The following BBOX1 variants were observed in gnomAD, a reference collection of about 807,000 sequenced individuals.
The protein encoded by BBOX1 is gamma-butyrobetaine hydroxylase 1.
A neutral mutation model predicts 41.6 loss-of-function variants in BBOX1; 35 were observed. That is an observed-to-expected ratio of 0.84 (90% CI 0.64 to 1.11). BBOX1 has a LOEUF of 1.11. BBOX1 is among the 50% of genes most tolerant of loss of function. The pLI, the probability that BBOX1 is intolerant of heterozygous loss-of-function variation, is 0.00. For missense variants in BBOX1, 458 were observed against 460.6 expected (o/e 0.99, Z 0.05); for synonymous variants, 163 against 154.7 (o/e 1.05, Z -0.40).
intron 4 of BBOX1, among the ~76,000 whole-genome samples, chr11:27,058,887 C>A (rs1384201137): frequency 4.7e-4 from 72 of 152,080 alleles, no homozygotes; most frequent in Non-Finnish European, 5.9e-5. Context: ...AATTTTGTAA[C>A]CTATTCATGT....
At chr11:27,108,182 C>G (rs1248358120) in intron 5 of BBOX1, among the ~76,000 whole-genome samples, 1 of 151,998 alleles carries the variant, frequency 6.6e-6, no homozygotes, top group African/African-American at 2.4e-5. Flanking sequence ...AGTCACAGAC[C>G]CCCATCCCTG....
chr11:27,074,699 C>G (rs75123637), intron 4 of BBOX1, among the ~76,000 whole-genome samples: 1 of 152,182 alleles, frequency 6.6e-6, no homozygotes, highest in Non-Finnish European at 1.5e-5. Flanking sequence ...AGTCTATACT[C>G]ATATGTGTGA....
intron 4 of BBOX1, among the ~76,000 whole-genome samples, chr11:27,086,266 G>T (rs917528310): frequency 2.0e-4 from 31 of 152,020 alleles, no homozygotes; most frequent in Admixed American, 2.0e-3. Context: ...AGCTAAAAAA[G>T]AGAGGTCAAT....
intron 2 of BBOX1, among the ~76,000 whole-genome samples, chr11:27,045,300 G>C (rs907317246): frequency 1.2e-4 from 18 of 152,296 alleles, no homozygotes; most frequent in Non-Finnish European, 2.2e-4. Flanking sequence ...CTTTGCTGAA[G>C]TTGCTTATCA....
intron 5 of BBOX1, among the ~76,000 whole-genome samples, chr11:27,106,451 T>A (rs1173682386): frequency 6.6e-6 from 1 of 152,074 alleles, no homozygotes; most frequent in South Asian, 2.1e-4. Flanking sequence ...TAGTCTCTGA[T>A]AAAACAGACT....
intron 2 of BBOX1, among the ~76,000 whole-genome samples, chr11:27,043,421 T>C (rs1851399466): frequency 6.6e-6 from 1 of 151,360 alleles, no homozygotes; most frequent in African/African-American, 2.4e-5. Flanking sequence ...ATGTGCACGT[T>C]TGGGGTACAT....
intron 5 of BBOX1, among the ~76,000 whole-genome samples, chr11:27,100,290 C>A (rs1322579535): frequency 6.6e-6 from 1 of 152,090 alleles, no homozygotes; most frequent in Admixed American, 6.6e-5. Flanking sequence ...AAAGAAAAAA[C>A]AAGTTTACCC....
chr11:27,125,616 C>A, intron 7 of BBOX1, 38 bp from the exon 8 acceptor site: 1 of 1,409,886 alleles, frequency 7.1e-7, no homozygotes, highest in East Asian at 2.5e-5. Context: ...ATAGATATTT[C>A]ATGAATTATA....
intron 5 of BBOX1, among the ~76,000 whole-genome samples, chr11:27,099,612 A>G (rs11029835): frequency 0.15 from 23,409 of 152,080 alleles, 2,130 homozygotes; most frequent in Middle Eastern, 0.24. Context: ...AGTGCCCCCC[A>G]GCATCTGTAC....
At chr11:27,109,073 CAG>C (rs981184722) in intron 5 of BBOX1, among the ~76,000 whole-genome samples, 12 of 152,022 alleles carry the variant, frequency 7.9e-5, no homozygotes, top group Admixed American at 1.3e-4. Context: ...GTTTACAGTC[CAG>C]AAGAGGAAGC....
At chr11:27,109,905 T>C (rs1349071389) in intron 5 of BBOX1, among the ~76,000 whole-genome samples, 1 of 152,050 alleles carries the variant, frequency 6.6e-6, no homozygotes, top group Non-Finnish European at 1.5e-5. Flanking sequence ...TGCTCATTTG[T>C]CCATATGTGA....
intron 5 of BBOX1, among the ~76,000 whole-genome samples, chr11:27,111,356 A>G (rs1467811290): frequency 6.6e-6 from 1 of 151,918 alleles, no homozygotes; most frequent in African/African-American, 2.4e-5. Flanking sequence ...GTGGGGAAGG[A>G]GGGAACGGGA....
intron 5 of BBOX1, among the ~76,000 whole-genome samples, chr11:27,100,738 G>A (rs1258525007): frequency 6.6e-6 from 1 of 152,088 alleles, no homozygotes; most frequent in Non-Finnish European, 1.5e-5. Flanking sequence ...GTCATCTCAT[G>A]AATGAAAGGA....
chr11:27,067,155 G>A (rs1487350294), intron 4 of BBOX1, among the ~76,000 whole-genome samples: 1 of 152,092 alleles, frequency 6.6e-6, no homozygotes, highest in Non-Finnish European at 1.5e-5. Flanking sequence ...CTTGAAAGTG[G>A]TTGTAAGTAA....
Position 27,041,225 on chromosome 11 carries a change from A to T in BBOX1, c.-292A>T, listed in dbSNP as rs1195825172. The T allele has an allele frequency of 1.3e-5, 2 of 150,970 alleles. No homozygotes were observed. Among genetic ancestry groups the T allele is most frequent in the Non-Finnish European group, 2.9e-5 (2 of 67,878 alleles). The allele number at this position is 150,970 out of a possible 1,614,324, so 9.4% of individuals were successfully genotyped here. On this transcript the variant is annotated 5_prime_UTR_variant, in exon 2 of 9. Transcript: ENST00000263182. ...TTTAAAAAAAACACAGCACAAAAAAACAAAGACAAAAAACCTCCAAGCTCC... is the reference window on the plus strand; with the variant it reads ...TTTAAAAAAAACACAGCACAAAAAATCAAAGACAAAAAACCTCCAAGCTCC...
At chr11:27,042,507 C>A (rs1181144819) in intron 2 of BBOX1, among the ~76,000 whole-genome samples, 1 of 152,114 alleles carries the variant, frequency 6.6e-6, no homozygotes, top group Non-Finnish European at 1.5e-5. Context: ...TATGCACCAC[C>A]ATGCCTGCCT....
At chr11:27,119,269 C>T (rs7926257) in intron 6 of BBOX1, among the ~76,000 whole-genome samples, 9,080 of 152,024 alleles carry the variant, frequency 0.06, 904 homozygotes, top group African/African-American at 0.21. Flanking sequence ...CTAACTTACC[C>T]GCCTCTTCCC....
intron 5 of BBOX1, among the ~76,000 whole-genome samples, chr11:27,105,920 G>C (rs1320144702): frequency 2.0e-5 from 3 of 152,172 alleles, no homozygotes; most frequent in African/African-American, 7.2e-5. Flanking sequence ...AGCCAGAAGA[G>C]AGTGGGGGCA....
chr11:27,098,069 A>G (rs1363799989), intron 5 of BBOX1, among the ~76,000 whole-genome samples: 1 of 151,848 alleles, frequency 6.6e-6, no homozygotes. Flanking sequence ...TGTTTGCTGC[A>G]TGTATCTCTC....
Sources: gnomAD v4.1 joint callset for allele counts (sites outside exome capture counted in the v4.1 genomes callset) on GRCh38, gnomAD v4.1.1 for gene constraint, MANE v1.5 for transcripts, NCBI Gene and HGNC (gene_info 2026-07-23, HGNC 2026-07-21) for gene names.